Variants in BIRC6 observed in about 807,000 individuals in gnomAD.
BIRC6 encodes the protein baculoviral IAP repeat containing 6.
A neutral mutation model predicts 503.3 loss-of-function variants in BIRC6; 98 were observed. That is an observed-to-expected ratio of 0.19 (90% CI 0.17 to 0.23). The LOEUF is 0.23. BIRC6 is among the 10% of genes least tolerant of loss of function. The pLI, the probability that BIRC6 is intolerant of heterozygous loss-of-function variation, is 1.00. For missense variants in BIRC6, 5,360 were observed against 5,806.0 expected (o/e 0.92, Z 2.50); for synonymous variants, 2,240 against 2,078.7 (o/e 1.08, Z -2.11).
intron 54 of BIRC6, 129 bp from the exon 55 acceptor site, chr2:32,514,861 T>G: frequency 1.5e-6 from 1 of 688,394 alleles, no homozygotes; most frequent in Non-Finnish European, 2.4e-6. Flanking sequence ...AATCTTACAA[T>G]GTTTTATTAT....
At position 32,478,015 on chromosome 2, in the gene BIRC6, GA is replaced by G. The variant is rs1256694337; in HGVS notation, c.7068+435del. On this transcript the variant is annotated intron_variant, in intron 35 of 73. Coordinates refer to ENST00000421745, the MANE Select transcript of BIRC6 (RefSeq NM_016252.4). ...GCCTTTCTTATATTAATTAAAATAG[GA>G]AATACACAAGTAAGTGTCAAATTAT... 2.6e-5 allele frequency among the ~76,000 whole-genome samples: 4 copies of G among 152,012 alleles called. No homozygotes were observed. In the East Asian group the frequency reaches 7.7e-4, roughly 29 times the overall value.
chr2:32,514,152 C>T (rs1338406065), intron 54 of BIRC6, among the ~76,000 whole-genome samples: 2 of 152,114 alleles, frequency 1.3e-5, no homozygotes, highest in East Asian at 3.9e-4. Context: ...GAGACCAAAT[C>T]TCTACAAAAA....
chr2:32,474,359 T>A (rs976061041), intron 33 of BIRC6, among the ~76,000 whole-genome samples: 3 of 152,338 alleles, frequency 2.0e-5, no homozygotes, highest in South Asian at 2.1e-4. Flanking sequence ...GTAATTTGTA[T>A]CTTTTAATGT....
chr2:32,464,044 C>G (rs996189797), intron 24 of BIRC6, among the ~76,000 whole-genome samples: 2 of 152,140 alleles, frequency 1.3e-5, no homozygotes, highest in Non-Finnish European at 2.9e-5. Flanking sequence ...ATCCCGAAAC[C>G]AGTCCCCTGC....
chr2:32,473,749 G>GT (rs1219703396), intron 33 of BIRC6, among the ~76,000 whole-genome samples: 4 of 81,180 alleles, frequency 4.9e-5, no homozygotes, highest in Admixed American at 1.3e-4. Flanking sequence ...GTGTGTGTGT[G>GT]TATTTTTTTT....
chr2:32,405,920 A>G (rs1273164676), intron 8 of BIRC6, among the ~76,000 whole-genome samples: 2 of 152,160 alleles, frequency 1.3e-5, no homozygotes, highest in Non-Finnish European at 2.9e-5. Context: ...TCAAATTCCT[A>G]CAAATGTTAT....
intron 65 of BIRC6, among the ~76,000 whole-genome samples, chr2:32,550,093 A>G (rs767579647): frequency 4.6e-5 from 7 of 152,200 alleles, no homozygotes; most frequent in Non-Finnish European, 1.0e-4. Context: ...AGATATTTCC[A>G]AGAGAAACAA....
intron 66 of BIRC6, among the ~76,000 whole-genome samples, chr2:32,577,582 T>TAC (rs373972815): frequency 6.6e-6 from 1 of 152,002 alleles, no homozygotes; most frequent in Non-Finnish European, 1.5e-5. Flanking sequence ...AATGGAGTTA[T>TAC]AGAGTATTGA....
chr2:32,370,120 A>G (rs2035716947), intron 1 of BIRC6, among the ~76,000 whole-genome samples: 1 of 151,168 alleles, frequency 6.6e-6, no homozygotes, highest in Non-Finnish European at 1.5e-5. Flanking sequence ...TCCTAAAGGA[A>G]TAATATAACT....
chr2:32,618,088 T>C lies in BIRC6; in HGVS notation c.*184T>C, dbSNP rs1160997130. The C allele has an allele frequency of 3.9e-6, 2 of 515,828 alleles. No homozygotes were observed. The highest frequency in any genetic ancestry group is 3.7e-5 in the Admixed American group (1 of 27,034). The allele number at this position is 515,828 out of a possible 1,614,324, so 32.0% of individuals were successfully genotyped here. A position where few individuals can be genotyped will look rare whatever the true frequency, so the allele number is the denominator to read the frequency against. Reference sequence around the variant, plus strand: ...TACCTGTACAGGAGTGTAAACTTTTTTGTGCTTTTATTTTTCAATTGTGAG... The same window carrying C: ...TACCTGTACAGGAGTGTAAACTTTTCTGTGCTTTTATTTTTCAATTGTGAG... On this transcript the variant is annotated 3_prime_UTR_variant, in exon 74 of 74. Coordinates refer to ENST00000421745, the MANE Select transcript of BIRC6 (RefSeq NM_016252.4).
rs376840732 is a variant in BIRC6, at chr2:32,603,062, T to G, written c.14049T>G (p.Pro4683=). 1.8e-5 allele frequency: 29 copies of G among 1,611,818 alleles called. No homozygotes were observed. Among genetic ancestry groups the G allele is most frequent in the Non-Finnish European group, 2.3e-5 (27 of 1,179,174 alleles). ...WHGRPEEKWN[P]QTSSFLQVLV... Reference sequence around the variant, plus strand: ...GAAGACCAGAAGAGAAGTGGAATCCTCAGACCTCAAGCTTTTTGCAAGTAA... The same window carrying G: ...GAAGACCAGAAGAGAAGTGGAATCCGCAGACCTCAAGCTTTTTGCAAGTAA... Residue 4683 remains proline (P), a synonymous_variant, in exon 71 of 74, where the codon CCT becomes CCG. Transcript: ENST00000421745.
rs117768528 is a variant in BIRC6, at chr2:32,531,458, A to G, written c.12198A>G (p.Pro4066=). The stretch of plus-strand genomic sequence containing the variant: ...ATGAATCTTTGCTTGAAACCTGTCC[A>G]ATTCAGTCACCATTACAAGTTTTTG... ...ILDESLLETC[P]IQSPLQVFAG... is the part of the protein sequence containing the mutation. Residue 4066 remains proline (P), a synonymous_variant, in exon 61 of 74, where the codon CCA becomes CCG. Transcript: ENST00000421745. 1.9e-6 allele frequency: 3 copies of G among 1,613,764 alleles called. No individual in the cohort carries two copies. The highest frequency in any genetic ancestry group is 2.7e-5 in the African/African-American group (2 of 74,922).
At chr2:32,561,596 A>G (rs759782047) in intron 65 of BIRC6, among the ~76,000 whole-genome samples, 89 of 151,260 alleles carry the variant, frequency 5.9e-4, no homozygotes, top group Non-Finnish European at 6.9e-4. Context: ...AAATCGTTCG[A>G]TTTCATTTTA....
rs1326677406 is a variant in BIRC6 at position 32,578,586 on chromosome 2, A to G, written c.13355+3220A>G. On this transcript the variant is annotated intron_variant, in intron 66 of 73. Coordinates refer to ENST00000421745, the MANE Select transcript of BIRC6 (RefSeq NM_016252.4). ...TGACTTGGGCTGATCACTTGAGGCC[A>G]GGAGTTCTAGACCAGCCTGTCCAAC... Among the ~76,000 whole-genome samples the G allele has an allele frequency of 5.9e-5, 9 of 152,154 alleles. 1 individual carries two copies. In the East Asian group the frequency reaches 1.7e-3, roughly 29 times the overall value.
At chr2:32,508,780 C>T (rs1341565081) in intron 51 of BIRC6, among the ~76,000 whole-genome samples, 1 of 152,072 alleles carries the variant, frequency 6.6e-6, no homozygotes, top group African/African-American at 2.4e-5. Context: ...ATTGAAAGTT[C>T]TGCCTGATAA....
intron 71 of BIRC6, among the ~76,000 whole-genome samples, 196 bp downstream of exon 71, chr2:32,603,279 T>A (rs1285551226): frequency 6.6e-6 from 1 of 152,130 alleles, no homozygotes; most frequent in Admixed American, 6.5e-5. Context: ...AATCTCAAGT[T>A]GGGGCATAAA....
intron 44 of BIRC6, 50 bp downstream of exon 44, chr2:32,491,608 A>G: frequency 1.3e-6 from 2 of 1,560,330 alleles, no homozygotes; most frequent in Non-Finnish European, 1.7e-6. Flanking sequence ...AATAAACAGT[A>G]TTCGTAATGT....
intron 66 of BIRC6, among the ~76,000 whole-genome samples, chr2:32,590,056 C>T (rs1443600546): frequency 5.9e-5 from 9 of 152,106 alleles, no homozygotes; most frequent in African/African-American, 2.2e-4. Context: ...TTAAATTAAT[C>T]ACAGAAAACA....
intron 65 of BIRC6, among the ~76,000 whole-genome samples, chr2:32,569,491 C>T (rs753177935): frequency 6.6e-6 from 1 of 152,168 alleles, no homozygotes; most frequent in Non-Finnish European, 1.5e-5. Flanking sequence ...GCCTCAGCTT[C>T]CCAAGTAGCT....
Sources: allele counts gnomAD v4.1 joint callset (sites outside exome capture counted in the v4.1 genomes callset), GRCh38; gene constraint gnomAD v4.1.1; transcripts MANE v1.5; gene names NCBI Gene and HGNC (gene_info 2026-07-23, HGNC 2026-07-21).